RSAD2: variants seen among roughly 807,000 people sequenced by gnomAD.
RSAD2 encodes radical S-adenosyl methionine domain containing 2, also known as S-adenosylmethionine-dependent nucleotide dehydratase RSAD2.
A neutral mutation model predicts 37.7 loss-of-function variants in RSAD2; 38 were observed. The observed-to-expected ratio is 1.01, with a 90% CI of 0.78 to 1.32. The LOEUF (loss-of-function observed/expected upper bound fraction) is 1.32, where lower values mean the gene tolerates loss of function less well. Ranked by LOEUF, RSAD2 falls within the 40% of genes most tolerant of loss-of-function variation. The pLI is 0.00. For missense variants in RSAD2, 428 were observed against 437.5 expected (o/e 0.98, Z 0.19); for synonymous variants, 163 against 157.4 (o/e 1.04, Z -0.27).
At chr2:6,879,600 AC>A (rs1027619366) in intron 1 of RSAD2, among the ~76,000 whole-genome samples, 1 of 151,616 alleles carries the variant, frequency 6.6e-6, no homozygotes, top group Non-Finnish European at 1.5e-5. Flanking sequence ...TATGCCCTTT[AC>A]TTTTCACTTA....
rs1230434202 is a variant in RSAD2 at position 6,890,205 on chromosome 2, GA to G, written c.770del (p.Asn257IlefsTer7). 6.2e-7 allele frequency: 1 copy of G among 1,614,096 alleles called. No individual in the cohort carries two copies. The highest frequency in any genetic ancestry group is 1.3e-5 in the African/African-American group (1 of 74,928). On this transcript the variant is annotated frameshift_variant, in exon 4 of 6. Coordinates refer to ENST00000382040, the MANE Select transcript of RSAD2 (RefSeq NM_080657.5). LOFTEE classifies it high-confidence loss of function. ...VFQCLLIEGE[N>X]CGEDALREAE... is the part of the protein sequence containing the mutation. ...TCCAGTGCCTCTTAATTGAGGGTGA[GA>G]ATTGTGGAGAAGATGCTCTAAGAGA...
intron 1 of RSAD2, among the ~76,000 whole-genome samples, chr2:6,867,191 C>T (rs980453561): frequency 6.6e-6 from 1 of 152,190 alleles, no homozygotes; most frequent in Admixed American, 6.5e-5. Flanking sequence ...ATCCTGGCTG[C>T]CATAACAAAA....
chr2:6,893,842 A>G (rs1663682559), intron 5 of RSAD2, 139 bp downstream of exon 5: 1 of 628,234 alleles, frequency 1.6e-6, no homozygotes, highest in Non-Finnish European at 2.8e-6. Context: ...ATAGTCAGTG[A>G]TTATGATTAT....
intron 3 of RSAD2, 96 bp downstream of exon 3, chr2:6,887,260 A>C (rs917799023): frequency 3.4e-6 from 3 of 884,874 alleles, no homozygotes; most frequent in South Asian, 3.3e-5. Flanking sequence ...ATACAAGAGA[A>C]CTCTGGACCT....
intron 3 of RSAD2, among the ~76,000 whole-genome samples, chr2:6,889,550 T>C (rs1044648768): frequency 1.3e-5 from 2 of 152,226 alleles, no homozygotes; most frequent in Admixed American, 6.5e-5. Flanking sequence ...TGCCTCTGTG[T>C]TGGGTTGGCT....
At chr2:6,886,851 A>T in intron 2 of RSAD2, 84 bp from the exon 3 acceptor site, 2 of 936,056 alleles carry the variant, frequency 2.1e-6, no homozygotes, top group South Asian at 3.4e-5. Flanking sequence ...TTTAAACAAG[A>T]TATATTTTAT....
chr2:6,881,537 A>G (rs970764008), intron 1 of RSAD2, among the ~76,000 whole-genome samples: 1 of 152,230 alleles, frequency 6.6e-6, no homozygotes, highest in African/African-American at 2.4e-5. Context: ...CCAGATAATA[A>G]TTCCTTCCCC....
At chr2:6,889,860 T>A (rs1663596104) in intron 3 of RSAD2, among the ~76,000 whole-genome samples, 1 of 152,234 alleles carries the variant, frequency 6.6e-6, no homozygotes, top group African/African-American at 2.4e-5. Context: ...CATGATTTAT[T>A]TTTATGCTCT....
At chr2:6,874,265 C>T (rs1558332684), upstream of RSAD2, among the ~76,000 whole-genome samples, 1 of 152,170 alleles carries the variant, frequency 6.6e-6, no homozygotes, top group Non-Finnish European at 1.5e-5. Context: ...GCTTCCTGTA[C>T]AGCCTGCATA....
chr2:6,891,897 A>T (rs1663639681), intron 4 of RSAD2, among the ~76,000 whole-genome samples: 1 of 152,218 alleles, frequency 6.6e-6, no homozygotes, highest in African/African-American at 2.4e-5. Flanking sequence ...CATATTCCAA[A>T]AATTTTTAAG....
chr2:6,877,428 A>G (rs570789336), upstream of RSAD2, among the ~76,000 whole-genome samples: 6 of 152,354 alleles, frequency 3.9e-5, no homozygotes, highest in South Asian at 1.2e-3. Context: ...AAGCAATGCA[A>G]CAAGTACAAA....
chr2:6,877,537 A>C, upstream of RSAD2: 2 of 482,774 alleles, frequency 4.1e-6, no homozygotes, highest in South Asian at 5.0e-5. Flanking sequence ...AGCTAGAGAG[A>C]CTGTTATAAT....
intron 1 of RSAD2, among the ~76,000 whole-genome samples, chr2:6,878,466 C>A (rs960770208): frequency 1.3e-5 from 2 of 152,102 alleles, no homozygotes; most frequent in Non-Finnish European, 2.9e-5. Context: ...TGGAAAGAGG[C>A]GGTTTGGGAA....
chr2:6,891,629 T>C (rs1663632709), intron 4 of RSAD2, among the ~76,000 whole-genome samples: 5 of 151,924 alleles, frequency 3.3e-5, no homozygotes. Flanking sequence ...TAGCCGGGCG[T>C]GGTTGCGGGC....
At chr2:6,869,232 T>C (rs972168525) in intron 1 of RSAD2, among the ~76,000 whole-genome samples, 1 of 152,196 alleles carries the variant, frequency 6.6e-6, no homozygotes, top group Non-Finnish European at 1.5e-5. Context: ...ACCTTTTTCC[T>C]ATTGTTCTTG....
chr2:6,869,443 C>G (rs1663167146), intron 1 of RSAD2, among the ~76,000 whole-genome samples: 1 of 152,124 alleles, frequency 6.6e-6, no homozygotes, highest in African/African-American at 2.4e-5. Flanking sequence ...TGTTGATATT[C>G]CATTTTATGC....
rs544676263 is a variant in RSAD2 at position 6,866,608 on chromosome 2, C to T, written c.142+563C>T. On this transcript the variant is annotated intron_variant, in intron 1 of 5. Coordinates refer to the RSAD2 transcript ENST00000442639. The stretch of plus-strand genomic sequence containing the variant: ...TGCCTGCCACAGTCCAGCATCAGCA[C>T]TGTTGCTGCCTAACAGTGTAACTGC... 2.0e-4 allele frequency: 47 copies of T among 230,026 alleles called. No individual in the cohort carries two copies. The South Asian group carries it at 6.9e-3, about 34-fold the overall frequency. 14.2% of individuals were successfully genotyped at this position (230,026 alleles called of 1,614,324 possible).
At chr2:6,869,569 A>G (rs866022819) in intron 1 of RSAD2, among the ~76,000 whole-genome samples, 15 of 152,350 alleles carry the variant, frequency 9.8e-5, no homozygotes, top group Middle Eastern at 3.4e-3. Flanking sequence ...TACAATCACT[A>G]ACAAAGTGTA....
At position 6,898,222 on chromosome 2, in the gene RSAD2, T is replaced by A. The variant is rs1663820832; in HGVS notation, c.*2280T>A. ...TGTAATGTAAAGTGAAATAAAACTA[T>A]AAGCTATGTTAAATACATTTTCAGC... is the stretch of plus-strand genomic sequence containing the variant. On this transcript the variant is annotated 3_prime_UTR_variant, in exon 6 of 6. Coordinates refer to ENST00000382040, the MANE Select transcript of RSAD2 (RefSeq NM_080657.5). 1 of 152,170 alleles carries A rather than the reference T, an allele frequency of 6.6e-6. No homozygotes were observed. The allele number at this position is 152,170 out of a possible 1,614,324, so 9.4% of individuals were successfully genotyped here. A position where few individuals can be genotyped will look rare whatever the true frequency, so the allele number is the denominator to read the frequency against.
Sources: gnomAD v4.1 joint callset for allele counts (sites outside exome capture counted in the v4.1 genomes callset) on GRCh38, gnomAD v4.1.1 for gene constraint, MANE v1.5 for transcripts, NCBI Gene and HGNC (gene_info 2026-07-23, HGNC 2026-07-21) for gene names.